IFIH1: variants seen among roughly 807,000 people sequenced by gnomAD.
IFIH1 encodes the protein interferon induced with helicase C domain 1.
Under a neutral mutation model 107.4 loss-of-function variants are expected in IFIH1, and 125 were observed. The ratio of observed to expected loss-of-function variants is 1.16; its 90% CI spans 1.01 to 1.35. The LOEUF (loss-of-function observed/expected upper bound fraction) is 1.35. Ranked by LOEUF, IFIH1 falls within the 40% of genes most tolerant of loss-of-function variation. The pLI is 0.00. For synonymous variants in IFIH1, 458 were observed against 413.2 expected (o/e 1.11, Z -1.31); for missense variants, 1,333 against 1,213.7 (o/e 1.10, Z -1.46).
intron 13 of IFIH1, 57 bp from the exon 14 acceptor site, chr2:162,268,334 A>G (rs1690965582): frequency 8.4e-7 from 1 of 1,191,666 alleles, no homozygotes; most frequent in South Asian, 1.5e-5. Flanking sequence ...TTTCAGTTTC[A>G]TAGAAGTAAG....
At chr2:162,281,950 G>T (rs919236287) in intron 6 of IFIH1, among the ~76,000 whole-genome samples, 8 of 151,676 alleles carry the variant, frequency 5.3e-5, no homozygotes, top group Non-Finnish European at 1.2e-4. Flanking sequence ...ATTTAAAGAG[G>T]GAAAATTTTG....
chr2:162,290,976 C>T (rs1055855387), intron 4 of IFIH1, among the ~76,000 whole-genome samples: 3 of 151,650 alleles, frequency 2.0e-5, no homozygotes, highest in Non-Finnish European at 4.4e-5. Flanking sequence ...GAGCCAGGAG[C>T]CAATTTCCTT....
intron 4 of IFIH1, among the ~76,000 whole-genome samples, chr2:162,290,232 A>T (rs1426300416): frequency 6.6e-6 from 1 of 151,864 alleles, no homozygotes; most frequent in Non-Finnish European, 1.5e-5. Flanking sequence ...CTTCCTTCAT[A>T]ATAGTTGCAG....
intron 8 of IFIH1, among the ~76,000 whole-genome samples, chr2:162,278,775 G>A (rs1038419425): frequency 2.6e-5 from 4 of 152,084 alleles, no homozygotes; most frequent in East Asian, 1.9e-4. Context: ...AAATAAAGGA[G>A]TGCATGCTAT....
intron 1 of IFIH1, among the ~76,000 whole-genome samples, chr2:162,317,038 T>TGG (rs1283793424): frequency 6.6e-6 from 1 of 151,988 alleles, no homozygotes; most frequent in Non-Finnish European, 1.5e-5. Flanking sequence ...TGTGTGTGTG[T>TGG]GTGTGTGTGT....
At chr2:162,309,646 C>T (rs1437700914) in intron 2 of IFIH1, among the ~76,000 whole-genome samples, 1 of 152,196 alleles carries the variant, frequency 6.6e-6, no homozygotes, top group Non-Finnish European at 1.5e-5. Context: ...CCATCAGTAG[C>T]ACCCATGATC....
intron 4 of IFIH1, among the ~76,000 whole-genome samples, chr2:162,290,179 G>A (rs1682971874): frequency 6.6e-6 from 1 of 151,684 alleles, no homozygotes; most frequent in African/African-American, 2.4e-5. Flanking sequence ...TTTCATCTGA[G>A]TTTCATTTTT....
intron 10 of IFIH1, 142 bp downstream of exon 10, chr2:162,277,273 C>A: frequency 1.6e-6 from 1 of 642,168 alleles, no homozygotes; most frequent in Non-Finnish European, 2.7e-6. Flanking sequence ...CTAATCTGGT[C>A]ATATCATTAG....
In IFIH1 at chr2:162,281,312, T is replaced by C; in HGVS notation, c.1524+16A>G. 1 of 1,602,998 alleles carries C rather than the reference T, an allele frequency of 6.2e-7. No homozygotes were observed. The highest frequency in any genetic ancestry group is 8.5e-7 in the Non-Finnish European group (1 of 1,171,616). On this transcript the variant is annotated intron_variant, in intron 7 of 15. Coordinates refer to ENST00000649979, the MANE Select transcript of IFIH1 (RefSeq NM_022168.4). The stretch of plus-strand genomic sequence containing the variant: ...TAGCTTTGCTTTCATTGGTTATACA[T>C]AAAATTATGACTTACTTTTAAAATG...
chr2:162,282,642 A>G (rs1292022211), intron 5 of IFIH1, 66 bp from the exon 6 acceptor site: 2 of 1,044,726 alleles, frequency 1.9e-6, no homozygotes, highest in African/African-American at 3.2e-5. Flanking sequence ...GTGTTGATCA[A>G]AGGCCTGTTT....
intron 3 of IFIH1, among the ~76,000 whole-genome samples, chr2:162,295,415 G>T (rs1327039513): frequency 6.6e-6 from 1 of 151,888 alleles, no homozygotes; most frequent in East Asian, 1.9e-4. Flanking sequence ...ATTCCACTGA[G>T]AATCTGTGAC....
At chr2:162,314,401 T>TCCCTCCCTCCCTCCC (rs1558877386) in intron 1 of IFIH1, among the ~76,000 whole-genome samples, 2 of 67,922 alleles carry the variant, frequency 2.9e-5, no homozygotes, top group African/African-American at 2.3e-4. Context: ...CCTCCCTCCT[T>TCCCTCCCTCCCTCCC]TCTTTCTTTC....
rs1238338816 is a variant in IFIH1 at position 162,272,479 on chromosome 2, G to T, written c.2455-92C>A. 7.2e-6 allele frequency: 8 copies of T among 1,103,744 alleles called. No homozygotes were observed. The African/African-American group carries it at 1.1e-4, about 16-fold the overall frequency. 68.4% of individuals were successfully genotyped at this position (1,103,744 alleles called of 1,614,324 possible). On this transcript the variant is annotated intron_variant, in intron 12 of 15. Transcript: ENST00000649979. ...TGGGAATGATATTCTTGCTCAGAAT[G>T]AAATGATATTGGGTTGTTCAGCATG...
chr2:162,299,202 T>G (rs575533335), intron 3 of IFIH1, among the ~76,000 whole-genome samples: 2 of 152,130 alleles, frequency 1.3e-5, no homozygotes, highest in Non-Finnish European at 2.9e-5. Context: ...TCACTGCCAG[T>G]CAGTAATGGA....
At chr2:162,277,392 G>T in intron 10 of IFIH1, 23 bp downstream of exon 10, 1 of 1,538,208 alleles carries the variant, frequency 6.5e-7, no homozygotes, top group Non-Finnish European at 9.0e-7. Flanking sequence ...AATGACACCA[G>T]TATATGTTAC....
rs1683554014 is a variant in IFIH1 at position 162,318,286 on chromosome 2, C to A, written c.22G>T (p.Asp8Tyr). 3 of 1,613,394 alleles carry A rather than the reference C, an allele frequency of 1.9e-6. No homozygotes were observed. The highest frequency in any genetic ancestry group is 1.7e-6 in the Non-Finnish European group (2 of 1,179,436). Reference sequence around the variant, plus strand: ...GAGATGAGATAGCGGAAATTCTCGTCTGTGGAATACCCATTCGACATCTTT... The same window carrying A: ...GAGATGAGATAGCGGAAATTCTCGTATGTGGAATACCCATTCGACATCTTT... MSNGYST[D>Y]ENFRYLISCF... Residue 8 changes from aspartate (D) to tyrosine (Y), a missense_variant, in exon 1 of 16, where the codon GAC (aspartate) becomes TAC (tyrosine). Coordinates refer to ENST00000649979, the MANE Select transcript of IFIH1 (RefSeq NM_022168.4).
intron 5 of IFIH1, 31 bp from the exon 6 acceptor site, chr2:162,282,607 G>A (rs1185732652): frequency 5.4e-6 from 8 of 1,483,198 alleles, no homozygotes; most frequent in Non-Finnish European, 6.5e-6. Context: ...TTTTAAAAGA[G>A]AGAAAGTTAG....
chr2:162,276,392 C>T (rs986801645), intron 11 of IFIH1, among the ~76,000 whole-genome samples: 1 of 152,080 alleles, frequency 6.6e-6, no homozygotes, highest in African/African-American at 2.4e-5. Context: ...GGCTTGAGCC[C>T]AGGAGTTTAA....
chr2:162,300,502 A>G (rs1342723241), intron 3 of IFIH1, among the ~76,000 whole-genome samples: 1 of 152,200 alleles, frequency 6.6e-6, no homozygotes, highest in Non-Finnish European at 1.5e-5. Flanking sequence ...TAAGCCATAT[A>G]ACTGACCCAG....
Sources: gnomAD v4.1 joint callset for allele counts (sites outside exome capture counted in the v4.1 genomes callset) on GRCh38, gnomAD v4.1.1 for gene constraint, MANE v1.5 for transcripts, NCBI Gene and HGNC (gene_info 2026-07-23, HGNC 2026-07-21) for gene names.